Variants in ATF6 observed in about 807,000 individuals in gnomAD.
ATF6 encodes cyclic AMP-dependent transcription factor ATF-6 alpha.
A neutral mutation model predicts 83.6 loss-of-function variants in ATF6; 53 were observed. The ratio of observed to expected loss-of-function variants is 0.63; its 90% CI spans 0.51 to 0.80. The LOEUF is 0.80. Among genes scored for constraint, ATF6 ranks in the 30% least tolerant of loss-of-function variants. The pLI is 0.00. For synonymous variants in ATF6, 288 were observed against 285.8 expected (o/e 1.01, Z -0.08); for missense variants, 744 against 797.9 (o/e 0.93, Z 0.81).
chr1:161,926,093 C>T (rs1266307931), intron 15 of ATF6, among the ~76,000 whole-genome samples: 1 of 152,038 alleles, frequency 6.6e-6, no homozygotes, highest in Non-Finnish European at 1.5e-5. Context: ...AGGGAAGAGG[C>T]ACAAACAGAG....
intron 14 of ATF6, among the ~76,000 whole-genome samples, chr1:161,872,357 A>G (rs576496442): frequency 2.0e-5 from 3 of 151,780 alleles, no homozygotes; most frequent in Non-Finnish European, 4.4e-5. Flanking sequence ...CTTTGAAGGT[A>G]GTCAACTTGG....
At chr1:161,774,940 G>A (rs1048003392) in intron 1 of ATF6, among the ~76,000 whole-genome samples, 63 of 151,980 alleles carry the variant, frequency 4.1e-4, no homozygotes, top group African/African-American at 1.5e-3. Context: ...TCTTTTATTC[G>A]ACAAGATGAT....
Position 161,802,783 on chromosome 1 carries a change from G to A in ATF6, c.909+511G>A, listed in dbSNP as rs113350478. ...AATTCTGTCTCTTAGTGATTATTTG[G>A]TACTTTCCCATTTTTGCAAACCTTT... On this transcript the variant is annotated intron_variant, in intron 7 of 15. Transcript: ENST00000367942. Among the ~76,000 whole-genome samples the A allele has an allele frequency of 8.2e-3, 1,247 of 152,144 alleles. 6 individuals are homozygous for A. The highest frequency in any genetic ancestry group is 0.011 in the Non-Finnish European group (758 of 67,974).
intron 9 of ATF6, among the ~76,000 whole-genome samples, chr1:161,833,062 A>G (rs962205296): frequency 2.1e-4 from 32 of 152,320 alleles, no homozygotes; most frequent in African/African-American, 7.2e-4. Flanking sequence ...CAAAACTTCC[A>G]GAGGAACGAT....
chr1:161,907,221 G>T (rs954388889), intron 14 of ATF6, among the ~76,000 whole-genome samples: 1 of 152,146 alleles, frequency 6.6e-6, no homozygotes, highest in African/African-American at 2.4e-5. Context: ...GGGTTAATAT[G>T]TTCTTCAACT....
At position 161,927,519 on chromosome 1, in the gene ATF6, A is replaced by G. The variant is rs566295804; in HGVS notation, c.1804+15139A>G. On this transcript the variant is annotated intron_variant, in intron 15 of 15. Transcript: ENST00000367942. ...CATTTTTCTATTTGAAATCAGAATGACTTAGTATTTGATGTGGGGAAAGGC... is the reference window on the plus strand; with the variant it reads ...CATTTTTCTATTTGAAATCAGAATGGCTTAGTATTTGATGTGGGGAAAGGC... Among the ~76,000 whole-genome samples the G allele has an allele frequency of 5.9e-5, 9 of 152,234 alleles. No homozygotes were observed. In the South Asian group the frequency reaches 1.0e-3, roughly 18 times the overall value.
rs1440774345 is a variant in ATF6, at chr1:161,802,173, G to C, written c.810G>C (p.Val270=). The C allele has an allele frequency of 6.2e-7, 1 of 1,614,110 alleles. No individual in the cohort carries two copies. The highest frequency in any genetic ancestry group is 8.5e-7 in the Non-Finnish European group (1 of 1,180,020). ...TCACACAGCTCCCTAATCACGTGGT[G>C]AATGTGGTACCAGCCCCTTCAGCGA... ...GGVTQLPNHV[V]NVVPAPSANS... The change falls in exon 7 of 16, where the codon GTG becomes GTC. Residue 270 remains valine, a synonymous_variant. Coordinates refer to ENST00000367942, the MANE Select transcript of ATF6 (RefSeq NM_007348.4).
At chr1:161,791,793 CAA>C (rs1252576962) in intron 5 of ATF6, among the ~76,000 whole-genome samples, 5 of 152,142 alleles carry the variant, frequency 3.3e-5, no homozygotes, top group Non-Finnish European at 7.4e-5. Context: ...GGAGAGATTT[CAA>C]AGTTTCAGTT....
intron 9 of ATF6, among the ~76,000 whole-genome samples, chr1:161,823,358 C>T (rs1213730266): frequency 6.6e-6 from 1 of 151,970 alleles, no homozygotes; most frequent in East Asian, 1.9e-4. Context: ...AGCTCAAATA[C>T]ATCAGTTTTA....
intron 15 of ATF6, among the ~76,000 whole-genome samples, chr1:161,926,751 A>G (rs1688320276): frequency 6.6e-6 from 1 of 152,170 alleles, no homozygotes; most frequent in African/African-American, 2.4e-5. Context: ...TGTAAAGAGT[A>G]AGTCTACAAG....
intron 10 of ATF6, among the ~76,000 whole-genome samples, chr1:161,851,141 T>TACACACACACACAC (rs35398462): frequency 2.2e-5 from 3 of 135,874 alleles, no homozygotes; most frequent in Non-Finnish European, 3.1e-5. Context: ...ATCCTTAACA[T>TACACACACACACAC]ACACACACAC....
intron 1 of ATF6, among the ~76,000 whole-genome samples, chr1:161,777,588 C>T (rs1015040945): frequency 1.3e-5 from 2 of 152,134 alleles, no homozygotes; most frequent in African/African-American, 4.8e-5. Flanking sequence ...TGGTGAGGAG[C>T]CTTCTTGGGC....
chr1:161,811,691 A>T (rs1026187629), intron 7 of ATF6, among the ~76,000 whole-genome samples: 6 of 149,506 alleles, frequency 4.0e-5, no homozygotes, highest in Admixed American at 2.0e-4. Context: ...TCCATCCACT[A>T]TCCATCCATC....
chr1:161,798,950 G>A (rs547432018), intron 6 of ATF6, among the ~76,000 whole-genome samples: 5 of 152,286 alleles, frequency 3.3e-5, no homozygotes, highest in South Asian at 2.1e-4. Flanking sequence ...AAAAATATCC[G>A]ATGCTGGCAA....
chr1:161,792,064 T>G, intron 5 of ATF6, 60 bp from the exon 6 acceptor site: 1 of 1,449,222 alleles, frequency 6.9e-7, no homozygotes. Context: ...TAGAATCTGT[T>G]TTTTAGGGCT....
At chr1:161,924,723 C>T (rs988661936) in intron 15 of ATF6, among the ~76,000 whole-genome samples, 1 of 152,194 alleles carries the variant, frequency 6.6e-6, no homozygotes, top group Non-Finnish European at 1.5e-5. Flanking sequence ...TAGGACCTAT[C>T]TCTTTCTTTT....
At chr1:161,866,862 G>A (rs907074580) in intron 14 of ATF6, among the ~76,000 whole-genome samples, 4 of 152,082 alleles carry the variant, frequency 2.6e-5, no homozygotes, top group African/African-American at 9.7e-5. Context: ...GTTCTCCTGT[G>A]TCAGTCTCCA....
chr1:161,944,837 T>G (rs1231109660), intron 15 of ATF6, among the ~76,000 whole-genome samples: 3 of 152,250 alleles, frequency 2.0e-5, no homozygotes, highest in South Asian at 2.1e-4. Flanking sequence ...GGCCTGGCAT[T>G]CTTTGTCACT....
chr1:161,883,505 A>C (rs1217987484), intron 14 of ATF6, among the ~76,000 whole-genome samples: 5 of 152,020 alleles, frequency 3.3e-5, no homozygotes, highest in Non-Finnish European at 7.4e-5. Flanking sequence ...CATCACATTC[A>C]TTTGGATGGA....
Sources: allele counts gnomAD v4.1 joint callset (sites outside exome capture counted in the v4.1 genomes callset), GRCh38; gene constraint gnomAD v4.1.1; transcripts MANE v1.5; gene names NCBI Gene and HGNC (gene_info 2026-07-23, HGNC 2026-07-21).